The following SPAG16 variants were observed in gnomAD, a reference collection of about 807,000 sequenced individuals.
SPAG16 encodes the protein sperm-associated antigen 16 protein.
In SPAG16, 86 loss-of-function variants were observed where a neutral mutation model predicts 80.4. The observed-to-expected ratio is 1.07, with a 90% CI of 0.90 to 1.28. The LOEUF (loss-of-function observed/expected upper bound fraction) is 1.28, where lower values mean the gene tolerates loss of function less well. SPAG16 is among the 50% of genes most tolerant of loss of function. The probability of loss-of-function intolerance (pLI) is 0.00; values close to 1 mark genes in which losing one functional copy is unlikely to be tolerated. For synonymous variants in SPAG16, 294 were observed against 265.9 expected, an observed-to-expected ratio of 1.11 and a Z score of -1.03; for missense variants, 870 against 765.3, an observed-to-expected ratio of 1.14 and a Z score of -1.61.
intron 15 of SPAG16, among the ~76,000 whole-genome samples, chr2:214,374,868 C>A (rs1451809390): frequency 6.6e-6 from 1 of 152,162 alleles, no homozygotes; most frequent in Non-Finnish European, 1.5e-5. Context: ...GGCACTGTGT[C>A]TTTTATTTAT....
chr2:213,962,125 G>C (rs568017692), intron 12 of SPAG16, among the ~76,000 whole-genome samples: 1 of 151,940 alleles, frequency 6.6e-6, no homozygotes, highest in African/African-American at 2.4e-5. Flanking sequence ...TGGAGATAAG[G>C]CATTTAAAGC....
At position 214,012,282 on chromosome 2, in the gene SPAG16, A is replaced by ATTTT. The variant is rs1286363943; in HGVS notation, c.1401-1668_1401-1667insTTTT. Among the ~76,000 whole-genome samples, 220 of 50,660 alleles carry ATTTT rather than the reference A, an allele frequency of 4.3e-3. 8 individuals carry two copies. The highest frequency in any genetic ancestry group is 0.017 in the South Asian group (11 of 644). The allele number at this position is 50,660 out of a possible 152,430, so 33.2% of individuals were successfully genotyped here. Reference sequence around the variant, plus strand: ...TACATATATATATATATATATATATATATATATTTTTTTTTTTTTTTTTTT... The same window carrying ATTTT: ...TACATATATATATATATATATATATATTTTTATATATTTTTTTTTTTTTTTTTTT... On this transcript the variant is annotated intron_variant, in intron 12 of 15. Transcript: ENST00000331683.
intron 15 of SPAG16, among the ~76,000 whole-genome samples, chr2:214,370,483 G>T (rs1410445935): frequency 6.6e-6 from 1 of 152,082 alleles, no homozygotes; most frequent in Non-Finnish European, 1.5e-5. Context: ...GGTGTACAAT[G>T]TGATGTCTTG....
intron 15 of SPAG16, among the ~76,000 whole-genome samples, chr2:214,323,950 T>C (rs1388606506): frequency 6.6e-6 from 1 of 152,222 alleles, no homozygotes; most frequent in African/African-American, 2.4e-5. Flanking sequence ...CTTTGATCCA[T>C]AAGCACTTTT....
At chr2:213,684,835 C>T (rs1339743110) in intron 10 of SPAG16, among the ~76,000 whole-genome samples, 3 of 152,190 alleles carry the variant, frequency 2.0e-5, no homozygotes, top group Admixed American at 6.5e-5. Flanking sequence ...AAAACAGACA[C>T]ATTATGTATC....
chr2:214,246,531 A>G (rs759003913), intron 15 of SPAG16, among the ~76,000 whole-genome samples: 7 of 152,240 alleles, frequency 4.6e-5, no homozygotes, highest in Admixed American at 3.3e-4. Context: ...CCCTGAGCAT[A>G]CTATAAGCCC....
chr2:213,724,942 A>G (rs1198184892), intron 10 of SPAG16, among the ~76,000 whole-genome samples: 1 of 152,124 alleles, frequency 6.6e-6, no homozygotes, highest in African/African-American at 2.4e-5. Flanking sequence ...TGATTTATTC[A>G]GTCAACAAAT....
intron 11 of SPAG16, among the ~76,000 whole-genome samples, chr2:213,910,236 G>A (rs188787643): frequency 5.3e-5 from 8 of 152,188 alleles, no homozygotes; most frequent in East Asian, 1.9e-4. Context: ...ACAATATAAC[G>A]ATAGTAATTT....
chr2:213,585,410 G>T lies in SPAG16; in HGVS notation c.1070+95320G>T, dbSNP rs1479298713. Among the ~76,000 whole-genome samples, 3 of 151,284 alleles carry T rather than the reference G, an allele frequency of 2.0e-5. No homozygotes were observed. In the East Asian group the frequency reaches 6.0e-4, roughly 30 times the overall value. ...TTGTGCCTCAGCCTCCTGAGTATCT[G>T]GGACTACAGGTACGTGCCACCATGC... is the stretch of plus-strand genomic sequence containing the variant. On this transcript the variant is annotated intron_variant, in intron 10 of 15. Transcript: ENST00000331683.
intron 15 of SPAG16, among the ~76,000 whole-genome samples, chr2:214,291,897 TCGCTTCCAGA>T (rs910630663): frequency 1.3e-5 from 2 of 152,202 alleles, no homozygotes; most frequent in African/African-American, 4.8e-5. Flanking sequence ...TGTTGTCTTT[TCGCTTCCAGA>T]TTTAGGAGTC....
At chr2:213,574,585 G>A (rs1414284472) in intron 10 of SPAG16, among the ~76,000 whole-genome samples, 1 of 150,892 alleles carries the variant, frequency 6.6e-6, no homozygotes, top group Non-Finnish European at 1.5e-5. Flanking sequence ...TACTAATTGA[G>A]TTCATGTTAA....
At chr2:213,331,846 C>T (rs896270164) in intron 5 of SPAG16, among the ~76,000 whole-genome samples, 5 of 152,024 alleles carry the variant, frequency 3.3e-5, no homozygotes, top group African/African-American at 1.2e-4. Flanking sequence ...ATAGTGGAAA[C>T]ACAACATACC....
intron 11 of SPAG16, among the ~76,000 whole-genome samples, chr2:213,918,819 T>G (rs2078084258): frequency 6.6e-6 from 1 of 152,150 alleles, no homozygotes; most frequent in African/African-American, 2.4e-5. Flanking sequence ...TCATTTTTTT[T>G]GTCTGTGCAG....
At chr2:213,307,887 G>A (rs533458121) in intron 3 of SPAG16, among the ~76,000 whole-genome samples, 46 of 152,262 alleles carry the variant, frequency 3.0e-4, no homozygotes, top group South Asian at 8.3e-4. Flanking sequence ...ATTTTGTATA[G>A]CACTTTTGGA....
At chr2:214,313,642 C>CAAAT in intron 15 of SPAG16, among the ~76,000 whole-genome samples, 1 of 152,148 alleles carries the variant, frequency 6.6e-6, no homozygotes, top group South Asian at 2.1e-4. Context: ...AGTATTTCTA[C>CAAAT]AAATAATTTT....
At chr2:214,045,102 G>A (rs1051080191) in intron 13 of SPAG16, among the ~76,000 whole-genome samples, 1 of 152,106 alleles carries the variant, frequency 6.6e-6, no homozygotes, top group Non-Finnish European at 1.5e-5. Flanking sequence ...CCAGCCCCAG[G>A]CTGCACAGCT....
At chr2:214,023,104 C>G (rs1341743557) in intron 13 of SPAG16, among the ~76,000 whole-genome samples, 1 of 151,500 alleles carries the variant, frequency 6.6e-6, no homozygotes, top group Non-Finnish European at 1.5e-5. Flanking sequence ...TCAGATAAAC[C>G]TTCTCTTTTC....
intron 10 of SPAG16, among the ~76,000 whole-genome samples, chr2:213,674,652 G>T (rs1258382198): frequency 6.7e-6 from 1 of 149,144 alleles, no homozygotes; most frequent in Non-Finnish European, 1.5e-5. Context: ...TTTTGTCCTT[G>T]CGATAGTTTA....
At chr2:213,302,912 C>G (rs925004069) in intron 3 of SPAG16, among the ~76,000 whole-genome samples, 16 of 152,152 alleles carry the variant, frequency 1.1e-4, no homozygotes, top group Admixed American at 9.8e-4. Flanking sequence ...CCATAAGTGT[C>G]TTTAGAAATG....
Sources: allele counts gnomAD v4.1 joint callset (sites outside exome capture counted in the v4.1 genomes callset), GRCh38; gene constraint gnomAD v4.1.1; transcripts MANE v1.5; gene names NCBI Gene and HGNC (gene_info 2026-07-23, HGNC 2026-07-21).